Variants in CSMD1 observed in about 807,000 individuals in gnomAD.
The protein encoded by CSMD1 is CUB and Sushi multiple domains 1, also known as CUB and sushi domain-containing protein 1.
A neutral mutation model predicts 417.5 loss-of-function variants in CSMD1; 213 were observed. The observed-to-expected ratio is 0.51, with a 90% CI of 0.46 to 0.57. CSMD1 has a LOEUF of 0.57. Ranked by LOEUF, CSMD1 falls within the 20% of genes least tolerant of loss-of-function variation. The pLI, the probability that CSMD1 is intolerant of heterozygous loss-of-function variation, is 0.00. For synonymous variants in CSMD1, 2,862 were observed against 1,736.8 expected (o/e 1.65, Z -16.11); for missense variants, 6,923 against 4,529.7 (o/e 1.53, Z -15.17).
intron 2 of CSMD1, among the ~76,000 whole-genome samples, chr8:4,530,160 A>T (rs1314970857): frequency 6.6e-6 from 1 of 151,304 alleles, no homozygotes; most frequent in Non-Finnish European, 1.5e-5. Context: ...TGATCTGCCC[A>T]CCTCAGCCTC....
chr8:4,612,720 T>C (rs908113798), intron 2 of CSMD1, among the ~76,000 whole-genome samples: 2 of 152,300 alleles, frequency 1.3e-5, no homozygotes, highest in East Asian at 1.9e-4. Context: ...TGGAGGCTGG[T>C]GGGTGTGTTT....
chr8:3,482,525 A>C (rs1817806355), intron 11 of CSMD1, among the ~76,000 whole-genome samples: 1 of 152,238 alleles, frequency 6.6e-6, no homozygotes, highest in African/African-American at 2.4e-5. Flanking sequence ...CAAGAAGCAA[A>C]AACTGATAAA....
At chr8:2,985,991 AG>A (rs1805870539) in intron 54 of CSMD1, among the ~76,000 whole-genome samples, 1 of 119,088 alleles carries the variant, frequency 8.4e-6, no homozygotes, top group Non-Finnish European at 1.7e-5. Flanking sequence ...GGGAAGGGAA[AG>A]GGGAAGCGGA....
intron 5 of CSMD1, among the ~76,000 whole-genome samples, chr8:3,842,502 T>G (rs894468480): frequency 1.3e-5 from 2 of 152,188 alleles, no homozygotes; most frequent in Non-Finnish European, 2.9e-5. Flanking sequence ...GCTAAATTTC[T>G]AGGGAAGAAG....
At chr8:3,484,904 A>C (rs1469409012) in intron 11 of CSMD1, among the ~76,000 whole-genome samples, 1 of 152,186 alleles carries the variant, frequency 6.6e-6, no homozygotes, top group Non-Finnish European at 1.5e-5. Context: ...GGAGCAGAAA[A>C]AGTGGTGATA....
intron 5 of CSMD1, among the ~76,000 whole-genome samples, chr8:3,785,505 G>A (rs1056411582): frequency 2.0e-5 from 3 of 152,180 alleles, no homozygotes; most frequent in East Asian, 1.9e-4. Flanking sequence ...ATACATTAAC[G>A]GCAGTCAAAC....
intron 5 of CSMD1, among the ~76,000 whole-genome samples, chr8:3,956,195 T>C (rs1004815504): frequency 2.0e-5 from 3 of 152,212 alleles, no homozygotes; most frequent in Non-Finnish European, 4.4e-5. Flanking sequence ...GTATTAACCA[T>C]AACTAAATGT....
intron 4 of CSMD1, among the ~76,000 whole-genome samples, chr8:4,002,400 G>A (rs760594194): frequency 2.0e-5 from 3 of 152,060 alleles, no homozygotes; most frequent in African/African-American, 7.2e-5. Flanking sequence ...ATTTGAAGAA[G>A]AGCTACCTAA....
intron 3 of CSMD1, among the ~76,000 whole-genome samples, chr8:4,268,343 T>C (rs1241400564): frequency 6.6e-6 from 1 of 152,162 alleles, no homozygotes; most frequent in Admixed American, 6.5e-5. Flanking sequence ...TAGATTCTTT[T>C]TGACTAATGT....
At chr8:4,983,685 G>A (rs1563930602) in intron 1 of CSMD1, among the ~76,000 whole-genome samples, 1 of 151,952 alleles carries the variant, frequency 6.6e-6, no homozygotes, top group Non-Finnish European at 1.5e-5. Context: ...ACCACACCCA[G>A]CTAATTTTTT....
intron 1 of CSMD1, among the ~76,000 whole-genome samples, chr8:4,960,773 C>G (rs1388746543): frequency 3.3e-5 from 5 of 152,048 alleles, no homozygotes; most frequent in Non-Finnish European, 4.4e-5. Context: ...TTTCTTACAT[C>G]TAAGCAAGAA....
intron 49 of CSMD1, among the ~76,000 whole-genome samples, chr8:3,061,158 G>A (rs544278728): frequency 1.3e-5 from 2 of 152,290 alleles, no homozygotes; most frequent in East Asian, 3.9e-4. Context: ...CTCGGACAAT[G>A]TATATAAAGT....
chr8:4,201,993 G>C (rs561836261), intron 3 of CSMD1, among the ~76,000 whole-genome samples: 17 of 151,662 alleles, frequency 1.1e-4, no homozygotes, highest in African/African-American at 3.9e-4. Context: ...CTTGCATTTT[G>C]ATGATTATAC....
intron 5 of CSMD1, among the ~76,000 whole-genome samples, chr8:3,848,357 C>G (rs1018219714): frequency 2.0e-5 from 3 of 151,528 alleles, no homozygotes; most frequent in Non-Finnish European, 2.9e-5. Flanking sequence ...AAGAGAGTAA[C>G]TAGAAAAAGA....
intron 3 of CSMD1, among the ~76,000 whole-genome samples, chr8:4,296,299 T>C (rs530496457): frequency 6.6e-6 from 1 of 152,204 alleles, no homozygotes; most frequent in South Asian, 2.1e-4. Flanking sequence ...GAAGAATTAT[T>C]TCGTCCCTGT....
chr8:3,655,670 T>G (rs1339578323), intron 7 of CSMD1, among the ~76,000 whole-genome samples: 141 of 151,362 alleles, frequency 9.3e-4, no homozygotes, highest in African/African-American at 1.9e-3. Flanking sequence ...TTTTTTTTTT[T>G]TTTTTTTTTT....
intron 41 of CSMD1, among the ~76,000 whole-genome samples, chr8:3,141,982 A>G (rs1221536201): frequency 6.6e-6 from 1 of 152,026 alleles, no homozygotes; most frequent in Non-Finnish European, 1.5e-5. Context: ...TATTTTTAGT[A>G]GAGACGGGGT....
At chr8:4,071,258 G>C (rs147426927) in intron 3 of CSMD1, among the ~76,000 whole-genome samples, 2 of 152,082 alleles carry the variant, frequency 1.3e-5, no homozygotes, top group Admixed American at 1.3e-4. Context: ...AAAGAAGCCT[G>C]ACGCCCTGCT....
intron 3 of CSMD1, among the ~76,000 whole-genome samples, chr8:4,133,736 GTTTTT>G (rs202238657): frequency 6.6e-6 from 1 of 151,906 alleles, no homozygotes; most frequent in African/African-American, 2.4e-5. Flanking sequence ...TATGGTTATG[GTTTTT>G]TTTATTATTT....
Sources: gnomAD v4.1 joint callset for allele counts (sites outside exome capture counted in the v4.1 genomes callset) on GRCh38, gnomAD v4.1.1 for gene constraint, MANE v1.5 for transcripts, NCBI Gene and HGNC (gene_info 2026-07-23, HGNC 2026-07-21) for gene names.